RTL4: variants seen among roughly 807,000 people sequenced by gnomAD.
The protein encoded by RTL4 is retrotransposon Gag-like protein 4.
A neutral mutation model predicts 5.3 loss-of-function variants in RTL4; 4 were observed. The observed-to-expected ratio is 0.75, with a 90% CI of 0.37 to 1.72. The LOEUF (loss-of-function observed/expected upper bound fraction) is 1.72. Among genes scored for constraint, RTL4 ranks in the 40% most tolerant of loss-of-function variants. The pLI, the probability that RTL4 is intolerant of heterozygous loss-of-function variation, is 0.04. For missense variants in RTL4, 260 were observed against 227.1 expected (o/e 1.14, Z -0.93); for synonymous variants, 98 against 87.3 (o/e 1.12, Z -0.68).
chrX:112,156,711 C>T, the RTL4 span, among the ~76,000 whole-genome samples: 6 of 111,914 alleles, frequency 5.4e-5, no homozygotes, highest in Non-Finnish European at 1.1e-4. Context: ...AGCTTCACCA[C>T]TGCTTGTCAT....
the RTL4 span, among the ~76,000 whole-genome samples, chrX:112,145,643 C>T: frequency 1.8e-5 from 2 of 111,252 alleles, no homozygotes; most frequent in African/African-American, 6.5e-5. Context: ...AAAGTGTAAA[C>T]AAGTAAAAAA....
chrX:112,223,126 G>T, the RTL4 span, among the ~76,000 whole-genome samples: 1 of 111,887 alleles, frequency 8.9e-6, no homozygotes, highest in Non-Finnish European at 1.9e-5. Context: ...ATTTTTTCAT[G>T]CCTGTTCAAG....
chrX:112,381,007 T>G, the RTL4 span, among the ~76,000 whole-genome samples: 3 of 110,757 alleles, frequency 2.7e-5, no homozygotes, highest in Non-Finnish European at 5.7e-5. Flanking sequence ...TGCTCGGGTT[T>G]ATTCGGTAGC....
At chrX:112,454,605 C>A (rs1926798971) in exon 1 of RTL4, 1 of 650,489 alleles carries the variant, frequency 1.5e-6, no homozygotes, top group Non-Finnish European at 2.3e-6. Context: ...TTCTTCACAG[C>A]TAACAGCTTT....
chrX:112,194,466 G>A, the RTL4 span, among the ~76,000 whole-genome samples: 1 of 111,534 alleles, frequency 9.0e-6, no homozygotes, highest in African/African-American at 3.3e-5. Context: ...CATGAAGGGA[G>A]CCCTCACCAT....
At chrX:112,352,003 T>C in the RTL4 span, among the ~76,000 whole-genome samples, 1 of 111,858 alleles carries the variant, frequency 8.9e-6, no homozygotes, top group Non-Finnish European at 1.9e-5. Context: ...CAGTGGCTGG[T>C]ACCAATTGTT....
the RTL4 span, among the ~76,000 whole-genome samples, chrX:112,324,961 C>G: frequency 9.0e-6 from 1 of 111,294 alleles, no homozygotes; most frequent in African/African-American, 3.3e-5. Context: ...ATTAAGGATA[C>G]AAAATCAATA....
At chrX:112,191,627 C>T in the RTL4 span, among the ~76,000 whole-genome samples, 1 of 111,909 alleles carries the variant, frequency 8.9e-6, no homozygotes, top group Non-Finnish European at 1.9e-5. Context: ...AATTTCCTTT[C>T]TCCCCACTAT....
chrX:112,309,725 C>T, the RTL4 span, among the ~76,000 whole-genome samples: 3 of 108,875 alleles, frequency 2.8e-5, no homozygotes, highest in Non-Finnish European at 3.8e-5. Flanking sequence ...AAGCGATTCA[C>T]CTGCTTCGGC....
chrX:112,184,614 T>A, the RTL4 span, among the ~76,000 whole-genome samples: 3 of 112,338 alleles, frequency 2.7e-5, no homozygotes, highest in Admixed American at 9.4e-5. Flanking sequence ...TGGTAGAAGG[T>A]CATGTGGTTT....
At chrX:112,356,930 G>A in the RTL4 span, among the ~76,000 whole-genome samples, 18 of 111,444 alleles carry the variant, frequency 1.6e-4, no homozygotes, top group Admixed American at 4.8e-4. Flanking sequence ...TGAAGCTTTG[G>A]CTAGTTGGCA....
exon 1 of RTL4, chrX:112,455,551 C>A: frequency 8.3e-7 from 1 of 1,211,722 alleles, no homozygotes; most frequent in Non-Finnish European, 1.1e-6. Context: ...AGCCCGCCAG[C>A]AAGAAACTCA....
the RTL4 span, among the ~76,000 whole-genome samples, chrX:112,128,659 C>CAA: frequency 3.4e-4 from 14 of 41,073 alleles, no homozygotes; most frequent in Admixed American, 6.5e-4. Context: ...CTCTGTCTCA[C>CAA]AAAAAAAAAA....
chrX:112,392,030 G>T, the RTL4 span, among the ~76,000 whole-genome samples: 1 of 111,877 alleles, frequency 8.9e-6, no homozygotes, highest in East Asian at 2.8e-4. Context: ...GGGTGGGTTG[G>T]ACCTCTGGGA....
At chrX:112,452,215 C>T (rs1365636165), upstream of RTL4, among the ~76,000 whole-genome samples, 1 of 106,637 alleles carries the variant, frequency 9.4e-6, no homozygotes, top group Non-Finnish European at 1.9e-5. Flanking sequence ...CCCAGACTCC[C>T]GAGTAGCTGG....
At chrX:112,321,384 A>C in the RTL4 span, among the ~76,000 whole-genome samples, 1 of 109,771 alleles carries the variant, frequency 9.1e-6, no homozygotes, top group East Asian at 2.9e-4. Context: ...AAAAATACAA[A>C]AATTCGCTGG....
At chrX:112,182,270 C>G in the RTL4 span, among the ~76,000 whole-genome samples, 1 of 111,576 alleles carries the variant, frequency 9.0e-6, no homozygotes, top group Non-Finnish European at 1.9e-5. Context: ...ACCAGAACAC[C>G]TCTTCTCCTC....
At chrX:112,288,211 A>G in the RTL4 span, among the ~76,000 whole-genome samples, 1 of 112,280 alleles carries the variant, frequency 8.9e-6, no homozygotes, top group Non-Finnish European at 1.9e-5. Flanking sequence ...GTTTCCCAAG[A>G]AGTCTACTGT....
At chrX:112,287,146 C>T in the RTL4 span, among the ~76,000 whole-genome samples, 41 of 111,648 alleles carry the variant, frequency 3.7e-4, no homozygotes, top group Admixed American at 3.8e-3. Flanking sequence ...ATAGAAGGTA[C>T]TCAGTGTGTG....
Sources: allele counts gnomAD v4.1 joint callset (sites outside exome capture counted in the v4.1 genomes callset), GRCh38; gene constraint gnomAD v4.1.1; transcripts MANE v1.5; gene names NCBI Gene and HGNC (gene_info 2026-07-23, HGNC 2026-07-21).